EIF4G3: variants seen among roughly 807,000 people sequenced by gnomAD.
The protein encoded by EIF4G3 is eukaryotic translation initiation factor 4 gamma 3.
In EIF4G3, 34 loss-of-function variants were observed where a neutral mutation model predicts 186.4. That is an observed-to-expected ratio of 0.18 (90% CI 0.14 to 0.24). EIF4G3 has a LOEUF of 0.24. Among genes scored for constraint, EIF4G3 ranks in the 10% least tolerant of loss-of-function variants. EIF4G3 has a pLI of 1.00. For synonymous variants in EIF4G3, 673 were observed against 679.5 expected (o/e 0.99, Z 0.15); for missense variants, 1,536 against 1,948.5 (o/e 0.79, Z 3.99).
chr1:21,086,350 C>T (rs2095980117), intron 3 of EIF4G3, among the ~76,000 whole-genome samples: 1 of 151,980 alleles, frequency 6.6e-6, no homozygotes, highest in Admixed American at 6.6e-5. Flanking sequence ...CAGGCACATG[C>T]CACCATGCCT....
At chr1:21,033,576 C>T (rs1013208270) in intron 4 of EIF4G3, among the ~76,000 whole-genome samples, 4 of 152,156 alleles carry the variant, frequency 2.6e-5, no homozygotes, top group Admixed American at 2.0e-4. Flanking sequence ...AGGACTTCCA[C>T]GTGGAATAAG....
chr1:21,098,559 AAAAAGAAGAAG>A (rs1327814546), intron 2 of EIF4G3, among the ~76,000 whole-genome samples: 2 of 109,994 alleles, frequency 1.8e-5, no homozygotes, highest in Non-Finnish European at 3.9e-5. Flanking sequence ...AAAAAAAAAA[AAAAAGAAGAAG>A]AAGAAGAAGA....
rs369098429 is a variant in EIF4G3, at chr1:20,895,334, A to T, written c.2133+34T>A. ...TTATAGTTAAAATCAGTTCCCACCA[A>T]AAAGAACTAGTTTTCTCTGAGTACG... is the stretch of plus-strand genomic sequence containing the variant. On this transcript the variant is annotated intron_variant, in intron 17 of 36. Coordinates refer to ENST00000602326, the MANE Select transcript of EIF4G3 (RefSeq NM_001391906.1). The T allele has an allele frequency of 7.3e-5, 116 of 1,596,476 alleles. No homozygotes were observed. In the Admixed American group the frequency reaches 2.0e-3, roughly 27 times the overall value.
At chr1:21,007,886 A>G (rs2085742578) in intron 4 of EIF4G3, among the ~76,000 whole-genome samples, 1 of 152,210 alleles carries the variant, frequency 6.6e-6, no homozygotes, top group Non-Finnish European at 1.5e-5. Context: ...TTTATTTTAT[A>G]TACTTCTGTA....
intron 4 of EIF4G3, among the ~76,000 whole-genome samples, chr1:21,044,077 T>C (rs1033249974): frequency 2.0e-5 from 3 of 152,206 alleles, no homozygotes; most frequent in Admixed American, 6.5e-5. Flanking sequence ...CCTACCATGA[T>C]TCTTTGGAAG....
intron 34 of EIF4G3, among the ~76,000 whole-genome samples, chr1:20,814,111 A>C (rs2059864060): frequency 6.6e-6 from 1 of 151,586 alleles, no homozygotes; most frequent in South Asian, 2.1e-4. Context: ...CAGCCTCCCG[A>C]GTAGCTGGGA....
At chr1:21,005,790 T>C (rs2084904666) in intron 4 of EIF4G3, among the ~76,000 whole-genome samples, 2 of 152,122 alleles carry the variant, frequency 1.3e-5, no homozygotes, top group African/African-American at 4.8e-5. Context: ...GCTCTGAAAG[T>C]GATTACTAAA....
intron 12 of EIF4G3, among the ~76,000 whole-genome samples, chr1:20,954,465 G>A (rs1275472167): frequency 2.0e-5 from 3 of 150,676 alleles, no homozygotes; most frequent in Non-Finnish European, 3.0e-5. Flanking sequence ...GAACTCGGGG[G>A]GTGGAGGTTG....
intron 7 of EIF4G3, among the ~76,000 whole-genome samples, chr1:20,989,942 C>T (rs1301076453): frequency 6.6e-6 from 1 of 151,654 alleles, no homozygotes; most frequent in Non-Finnish European, 1.5e-5. Context: ...TTTGGGAGGC[C>T]GAAACGGGCG....
At chr1:21,003,569 C>A in intron 4 of EIF4G3, 1 of 274,946 alleles carries the variant, frequency 3.6e-6, no homozygotes, top group South Asian at 4.1e-5. Flanking sequence ...AGAACTTTCC[C>A]TCCTATGTGT....
intron 29 of EIF4G3, 29 bp downstream of exon 29, chr1:20,849,382 CTGTG>C (rs760758938): frequency 2.5e-4 from 301 of 1,209,546 alleles, no homozygotes; most frequent in East Asian, 2.0e-3. Context: ...AAAGGACTTA[CTGTG>C]TGTGTGTTTT....
chr1:20,969,423 T>C lies in EIF4G3; in HGVS notation c.714+51A>G, dbSNP rs139096643. 5,904 of 1,607,894 alleles carry C rather than the reference T, an allele frequency of 3.7e-3. 321 individuals carry two copies. In the Admixed American group the frequency reaches 0.094, roughly 26 times the overall value. Reference sequence around the variant, plus strand: ...GGCTATAGAAGAAAGAAGAGTTCAGTAGAGGTTAGTGAACAAATAGTGCCA... The same window carrying C: ...GGCTATAGAAGAAAGAAGAGTTCAGCAGAGGTTAGTGAACAAATAGTGCCA... On this transcript the variant is annotated intron_variant, in intron 12 of 36. Transcript: ENST00000602326.
chr1:21,059,155 C>T (rs2094746881), intron 3 of EIF4G3, among the ~76,000 whole-genome samples: 1 of 151,992 alleles, frequency 6.6e-6, no homozygotes, highest in Admixed American at 6.6e-5. Flanking sequence ...TGTGACATCC[C>T]TTATTTTCTA....
chr1:20,901,933 C>G (rs983210358), intron 15 of EIF4G3, among the ~76,000 whole-genome samples: 1 of 151,964 alleles, frequency 6.6e-6, no homozygotes, highest in Non-Finnish European at 1.5e-5. Context: ...TTTAAAAGTG[C>G]TAGAAAATCA....
chr1:20,875,559 CAGAA>C (rs2080510185), intron 20 of EIF4G3, among the ~76,000 whole-genome samples: 1 of 152,122 alleles, frequency 6.6e-6, no homozygotes, highest in Non-Finnish European at 1.5e-5. Flanking sequence ...AATTTCAACC[CAGAA>C]AGCACATATG....
At position 20,825,142 on chromosome 1, in the gene EIF4G3, A is replaced by G. The variant is rs1194008007; in HGVS notation, c.4326T>C (p.Phe1442=). The G allele has an allele frequency of 6.2e-7, 1 of 1,613,490 alleles. No individual in the cohort carries two copies. Among genetic ancestry groups the G allele is most frequent in the South Asian group, 1.1e-5 (1 of 90,982 alleles). Residue 1442 remains phenylalanine (F), a synonymous_variant, in exon 33 of 37, where the codon TTT becomes TTC. Coordinates refer to ENST00000602326, the MANE Select transcript of EIF4G3 (RefSeq NM_001391906.1). The part of the protein sequence containing the change: ...WREADLSWKD[F]LPEGEDVHNF... ...TATGTACATCTTCTCCTTCTGGTAA[A>G]AAGTCCTTCCAGCTGAGGTCAGCCT...
intron 18 of EIF4G3, among the ~76,000 whole-genome samples, chr1:20,887,508 C>G (rs1303686249): frequency 2.0e-5 from 3 of 152,062 alleles, no homozygotes; most frequent in Non-Finnish European, 4.4e-5. Flanking sequence ...TATGCTTCAC[C>G]ATCTGCCCCA....
intron 13 of EIF4G3, among the ~76,000 whole-genome samples, chr1:20,947,298 C>G (rs948455056): frequency 1.3e-5 from 2 of 151,484 alleles, no homozygotes; most frequent in Non-Finnish European, 2.9e-5. Flanking sequence ...GAGCCATGAT[C>G]GTGTCACTGC....
rs192348858 is a variant in EIF4G3, at chr1:21,154,596, C to T, written c.-272+21579G>A. On this transcript the variant is annotated intron_variant, in intron 2 of 36. Coordinates refer to ENST00000602326, the MANE Select transcript of EIF4G3 (RefSeq NM_001391906.1). ...CAGTGAAAGACTAAACTGAAAAACA[C>T]TTCCTAACTGCTTTCTGGTTGCATA... Among the ~76,000 whole-genome samples the T allele has an allele frequency of 7.1e-3, 1,085 of 152,308 alleles. 9 individuals carry two copies. The highest frequency in any genetic ancestry group is 0.01 in the Non-Finnish European group (685 of 68,032).
Sources: allele counts gnomAD v4.1 joint callset (sites outside exome capture counted in the v4.1 genomes callset), GRCh38; gene constraint gnomAD v4.1.1; transcripts MANE v1.5; gene names NCBI Gene and HGNC (gene_info 2026-07-23, HGNC 2026-07-21).